CRPPA: variants seen among roughly 807,000 people sequenced by gnomAD.
CRPPA encodes the protein CDP-L-ribitol pyrophosphorylase A.
A neutral mutation model predicts 52.0 loss-of-function variants in CRPPA; 43 were observed. The observed-to-expected ratio is 0.83, with a 90% CI of 0.65 to 1.07. The LOEUF (loss-of-function observed/expected upper bound fraction) is 1.07. CRPPA is among the 50% of genes least tolerant of loss of function. The probability of loss-of-function intolerance (pLI) is 0.00; values close to 1 mark genes in which losing one functional copy is unlikely to be tolerated. For synonymous variants in CRPPA, 250 were observed against 203.5 expected (o/e 1.23, Z -1.94); for missense variants, 629 against 551.7 (o/e 1.14, Z -1.40).
intron 4 of CRPPA, among the ~76,000 whole-genome samples, chr7:16,307,673 CAAAAAAAAAAAAAAAA>C (rs55682769): frequency 1.1e-4 from 5 of 44,344 alleles, no homozygotes; most frequent in African/African-American, 3.6e-4. Context: ...GAAACTCTGT[CAAAAAAAAAAAAAAAA>C]AAAAAAAAAA....
At chr7:16,263,355 T>C (rs1783863553) in intron 6 of CRPPA, among the ~76,000 whole-genome samples, 2 of 149,934 alleles carry the variant, frequency 1.3e-5, no homozygotes, top group Admixed American at 1.3e-4. Flanking sequence ...CATTCATACC[T>C]ATGACAACTT....
At chr7:16,410,640 G>A (rs537455594) in intron 1 of CRPPA, among the ~76,000 whole-genome samples, 49 of 152,216 alleles carry the variant, frequency 3.2e-4, no homozygotes, top group African/African-American at 1.1e-3. Context: ...TGGCTCTCGA[G>A]CAAGACCCTT....
At chr7:16,152,355 TA>T (rs1433813577) in intron 9 of CRPPA, among the ~76,000 whole-genome samples, 3 of 151,986 alleles carry the variant, frequency 2.0e-5, no homozygotes, top group Non-Finnish European at 4.4e-5. Flanking sequence ...GACTTTATTT[TA>T]ATAGAAAAAA....
Position 16,177,866 on chromosome 7 carries a change from G to A in CRPPA, c.1251+38200C>T, listed in dbSNP as rs147832759. Reference sequence around the variant, plus strand: ...CCAAATGGATGGCTATTTTCCCTCTGGAATTTCTGTGAGCCTAATATAACC... The same window carrying A: ...CCAAATGGATGGCTATTTTCCCTCTAGAATTTCTGTGAGCCTAATATAACC... On this transcript the variant is annotated intron_variant, in intron 9 of 9. Coordinates refer to ENST00000407010, the MANE Select transcript of CRPPA (RefSeq NM_001101426.4). Among the ~76,000 whole-genome samples, 316 of 152,044 alleles carry A rather than the reference G, an allele frequency of 2.1e-3. 2 individuals carry two copies. Among genetic ancestry groups the A allele is most frequent in the African/African-American group, 7.3e-3 (302 of 41,498 alleles).
In CRPPA at chr7:16,180,541, T is replaced by C. The variant is rs538806910; in HGVS notation, c.1251+35525A>G. ...CATAAGTGGTTGCTAATTTCTCTAA[T>C]CTCATTACATGCGCATGTGGCAAGC... On this transcript the variant is annotated intron_variant, in intron 9 of 9. Coordinates refer to ENST00000407010, the MANE Select transcript of CRPPA (RefSeq NM_001101426.4). 5.9e-5 allele frequency among the ~76,000 whole-genome samples: 9 copies of C among 152,178 alleles called. 1 individual carries two copies. Among genetic ancestry groups the C allele is most frequent in the African/African-American group, 1.9e-4 (8 of 41,560 alleles).
chr7:16,364,987 A>G (rs1786553995), intron 3 of CRPPA, among the ~76,000 whole-genome samples: 1 of 152,234 alleles, frequency 6.6e-6, no homozygotes, highest in Non-Finnish European at 1.5e-5. Context: ...ATAAAGGTCA[A>G]TATCAAGTGT....
intron 4 of CRPPA, among the ~76,000 whole-genome samples, chr7:16,305,320 C>A (rs1221907084): frequency 1.3e-5 from 2 of 152,118 alleles, no homozygotes; most frequent in Non-Finnish European, 2.9e-5. Context: ...AACAAACAAA[C>A]AAAAAACGCT....
intron 6 of CRPPA, among the ~76,000 whole-genome samples, chr7:16,263,291 C>T (rs970501804): frequency 9.2e-5 from 14 of 152,150 alleles, no homozygotes; most frequent in Non-Finnish European, 2.1e-4. Context: ...CTCTTCAACA[C>T]AAATATTCTT....
At chr7:16,112,542 G>C (rs1782287666) in intron 9 of CRPPA, among the ~76,000 whole-genome samples, 1 of 152,056 alleles carries the variant, frequency 6.6e-6, no homozygotes, top group African/African-American at 2.4e-5. Context: ...TAACAGACAA[G>C]AATGACTGAT....
chr7:16,239,559 CAAAAAAAAAAAA>C lies in CRPPA; in HGVS notation c.1119+18819_1119+18830del, dbSNP rs751232682. ...CCATTATTTAAATAGAAGTCAATAGCAAAAAAAAAAAAAAAAAAAAAAAAACTAGTGAGAGAA... is the reference window on the plus strand; with the variant it reads ...CCATTATTTAAATAGAAGTCAATAGCAAAAAAAAAAAAACTAGTGAGAGAA... On this transcript the variant is annotated intron_variant, in intron 8 of 9. Coordinates refer to ENST00000407010, the MANE Select transcript of CRPPA (RefSeq NM_001101426.4). 3.1e-3 allele frequency among the ~76,000 whole-genome samples: 150 copies of C among 47,624 alleles called. 2 individuals carry two copies. Among genetic ancestry groups the C allele is most frequent in the African/African-American group, 0.01 (139 of 13,292 alleles). 31.2% of individuals were successfully genotyped at this position (47,624 alleles called of 152,430 possible).
intron 3 of CRPPA, among the ~76,000 whole-genome samples, chr7:16,317,316 G>A (rs1785163959): frequency 6.6e-6 from 1 of 152,134 alleles, no homozygotes; most frequent in African/African-American, 2.4e-5. Context: ...GATGTACCTG[G>A]TATAGTGTCT....
chr7:16,369,839 G>A (rs764315308), intron 3 of CRPPA, among the ~76,000 whole-genome samples: 8 of 152,128 alleles, frequency 5.3e-5, no homozygotes, highest in Non-Finnish European at 1.0e-4. Context: ...CCCTTTGAAA[G>A]AAGTGGCAGG....
chr7:16,144,700 C>T (rs1782938920), intron 9 of CRPPA, among the ~76,000 whole-genome samples: 1 of 152,146 alleles, frequency 6.6e-6, no homozygotes, highest in South Asian at 2.1e-4. Flanking sequence ...ATTGTGTTTG[C>T]TCCAAGCCTT....
Position 16,121,267 on chromosome 7 carries a change from T to C in CRPPA, c.1252-29468A>G, listed in dbSNP as rs185553797. Among the ~76,000 whole-genome samples the C allele has an allele frequency of 3.6e-3, 551 of 152,214 alleles. 8 individuals carry two copies. The highest frequency in any genetic ancestry group is 0.013 in the African/African-American group (526 of 41,556). ...TTATTTGTTATTTTATGCAATTTTA[T>C]ATCAAATTTAAAAATAGAATCCCTG... is the stretch of plus-strand genomic sequence containing the variant. On this transcript the variant is annotated intron_variant, in intron 9 of 9. Transcript: ENST00000407010.
At chr7:16,349,772 C>T (rs1786099800) in intron 3 of CRPPA, among the ~76,000 whole-genome samples, 1 of 151,834 alleles carries the variant, frequency 6.6e-6, no homozygotes, top group Non-Finnish European at 1.5e-5. Flanking sequence ...TATGGGACAC[C>T]ATCAAGTGGA....
chr7:16,379,440 T>C (rs148817506), intron 2 of CRPPA, among the ~76,000 whole-genome samples: 3,958 of 152,328 alleles, frequency 0.026, 71 homozygotes, highest in East Asian at 0.13. Context: ...TCCAGCTTTG[T>C]TCTTTTGGCT....
chr7:16,170,822 G>A (rs546994304), intron 9 of CRPPA, among the ~76,000 whole-genome samples: 41 of 152,202 alleles, frequency 2.7e-4, no homozygotes, highest in Non-Finnish European at 5.3e-4. Context: ...TACTGGCCCA[G>A]GTGCTAAGCC....
chr7:16,224,331 A>C (rs1337975984), intron 8 of CRPPA, among the ~76,000 whole-genome samples: 2 of 152,210 alleles, frequency 1.3e-5, no homozygotes, highest in African/African-American at 4.8e-5. Flanking sequence ...AAGGACTATA[A>C]GTAAGTATCC....
intron 9 of CRPPA, among the ~76,000 whole-genome samples, chr7:16,145,295 T>C (rs1231782664): frequency 6.6e-6 from 1 of 152,136 alleles, no homozygotes; most frequent in African/African-American, 2.4e-5. Context: ...GGCACAACCA[T>C]AGGACCCCAC....
Sources: gnomAD v4.1 joint callset for allele counts (sites outside exome capture counted in the v4.1 genomes callset) on GRCh38, gnomAD v4.1.1 for gene constraint, MANE v1.5 for transcripts, NCBI Gene and HGNC (gene_info 2026-07-23, HGNC 2026-07-21) for gene names.